Variants in TM2D1 observed in about 807,000 individuals in gnomAD.
The protein encoded by TM2D1 is TM2 domain-containing protein 1.
TM2D1 carries 15 observed loss-of-function variants against 28.4 expected under a neutral mutation model. That is an observed-to-expected ratio of 0.53 (90% CI 0.35 to 0.81). The LOEUF is 0.81. TM2D1 is among the 40% of genes least tolerant of loss of function. The pLI is 0.01. For missense variants in TM2D1, 236 were observed against 254.9 expected (o/e 0.93, Z 0.50); for synonymous variants, 93 against 96.2 (o/e 0.97, Z 0.20).
At chr1:61,688,517 G>A (rs1644300062) in intron 5 of TM2D1, among the ~76,000 whole-genome samples, 1 of 152,206 alleles carries the variant, frequency 6.6e-6, no homozygotes, top group African/African-American at 2.4e-5. Flanking sequence ...GAGGTCAAGA[G>A]ATCGAGACCA....
chr1:61,709,395 C>T lies in TM2D1; in HGVS notation c.281G>A (p.Ser94Asn). ...PAPNITCKDS[S>N]GNETHFTGNE... is the part of the protein sequence containing the mutation. ...CCCAGTAAAATGTGTTTCATTGCCACTGGAATCCTTACAAGTTATGTTGGG... is the reference window on the plus strand; with the variant it reads ...CCCAGTAAAATGTGTTTCATTGCCATTGGAATCCTTACAAGTTATGTTGGG... Residue 94 changes from serine to asparagine, a missense_variant, in exon 3 of 7, where the codon AGT becomes AAT. Transcript: ENST00000606498. The T allele has an allele frequency of 6.2e-7, 1 of 1,603,454 alleles. No individual in the cohort carries two copies. Among genetic ancestry groups the T allele is most frequent in the Admixed American group, 1.7e-5 (1 of 59,606 alleles).
At chr1:61,702,189 C>CA (rs1557532048) in intron 3 of TM2D1, among the ~76,000 whole-genome samples, 1 of 151,024 alleles carries the variant, frequency 6.6e-6, no homozygotes, top group East Asian at 2.0e-4. Context: ...GACTCTGTCT[C>CA]AAAAAAATAA....
intron 6 of TM2D1, among the ~76,000 whole-genome samples, chr1:61,681,559 G>C (rs1644243659): frequency 6.6e-6 from 1 of 152,126 alleles, no homozygotes; most frequent in Admixed American, 6.5e-5. Flanking sequence ...TTTCAAATCT[G>C]AATCTGGAAT....
At chr1:61,695,378 C>T (rs181761863) in intron 4 of TM2D1, among the ~76,000 whole-genome samples, 10 of 152,138 alleles carry the variant, frequency 6.6e-5, no homozygotes, top group Non-Finnish European at 7.4e-5. Flanking sequence ...TTGGTCCCAA[C>T]CCAAGAGCTA....
In TM2D1 at chr1:61,708,859, A is replaced by T. The variant is rs191228188; in HGVS notation, c.347+470T>A. On this transcript the variant is annotated intron_variant, in intron 3 of 6. Coordinates refer to ENST00000606498, the MANE Select transcript of TM2D1 (RefSeq NM_032027.3). ...ACTTGATTGGTGAATTGCATTTATAAAAAAAAAAAAAAATACACACTTGGC... is the reference window on the plus strand; with the variant it reads ...ACTTGATTGGTGAATTGCATTTATATAAAAAAAAAAAAATACACACTTGGC... 3.4e-3 allele frequency among the ~76,000 whole-genome samples: 489 copies of T among 144,644 alleles called. 2 individuals are homozygous for T. Among genetic ancestry groups the T allele is most frequent in the African/African-American group, 0.011 (463 of 40,320 alleles). The allele number at this position is 144,644 out of a possible 152,430, so 94.9% of individuals were successfully genotyped here. A position where few individuals can be genotyped will look rare whatever the true frequency, so the allele number is the denominator to read the frequency against.
Position 61,720,662 on chromosome 1 carries a change from CTCAA to C in TM2D1, c.238+3047_238+3050del, listed in dbSNP as rs922689221. Among the ~76,000 whole-genome samples, 8 of 152,096 alleles carry C rather than the reference CTCAA, an allele frequency of 5.3e-5. 1 individual carries two copies. Among genetic ancestry groups the C allele is most frequent in the Admixed American group, 4.6e-4 (7 of 15,248 alleles). ...ATAAATATAAATAAATGAACAAATT[CTCAA>C]TCAATAACAATATTTTGTAATATAA... is the stretch of plus-strand genomic sequence containing the variant. On this transcript the variant is annotated intron_variant, in intron 2 of 6. Coordinates refer to ENST00000606498, the MANE Select transcript of TM2D1 (RefSeq NM_032027.3).
At chr1:61,681,387 T>A (rs1333289143) in intron 6 of TM2D1, 37 bp from the exon 7 acceptor site, 1 of 152,188 alleles carries the variant, frequency 6.6e-6, no homozygotes, top group Non-Finnish European at 1.5e-5. Context: ...AAACACAATA[T>A]TTTTTAAGAG....
intron 3 of TM2D1, among the ~76,000 whole-genome samples, chr1:61,708,100 C>T (rs1052020511): frequency 6.6e-6 from 1 of 152,066 alleles, no homozygotes; most frequent in Non-Finnish European, 1.5e-5. Flanking sequence ...AGGGTCTCTA[C>T]TCTGTTACTG....
chr1:61,716,460 C>CAT lies in TM2D1; in HGVS notation c.239-7025_239-7024dup, dbSNP rs967232826. Among the ~76,000 whole-genome samples, 20 of 139,458 alleles carry CAT rather than the reference C, an allele frequency of 1.4e-4. No individual in the cohort carries two copies. The South Asian group carries it at 1.8e-3, about 12-fold the overall frequency. 91.5% of individuals were successfully genotyped at this position (139,458 alleles called of 152,430 possible). Reference sequence around the variant, plus strand: ...GTATAATTATATATAATTTTATATACATATATAATTATATATAATTTTATA... The same window carrying CAT: ...GTATAATTATATATAATTTTATATACATATATATAATTATATATAATTTTATA... On this transcript the variant is annotated intron_variant, in intron 2 of 6. Coordinates refer to ENST00000606498, the MANE Select transcript of TM2D1 (RefSeq NM_032027.3).
chr1:61,707,425 G>A (rs932157757), intron 3 of TM2D1, among the ~76,000 whole-genome samples: 11 of 152,298 alleles, frequency 7.2e-5, no homozygotes, highest in Admixed American at 7.2e-4. Context: ...GTTCCAGCCT[G>A]AGTGGTTAGC....
chr1:61,691,932 A>AAAAAAAAAATATATATAT, intron 5 of TM2D1, among the ~76,000 whole-genome samples: 23 of 76,372 alleles, frequency 3.0e-4, no homozygotes, highest in Admixed American at 5.1e-4. Context: ...AAAAAAAAAA[A>AAAAAAAAAATATATATAT]ATATATATAT....
chr1:61,687,276 T>C (rs1188892399), intron 5 of TM2D1, among the ~76,000 whole-genome samples: 4 of 152,172 alleles, frequency 2.6e-5, no homozygotes, highest in African/African-American at 7.2e-5. Context: ...AAGCTATTAC[T>C]TAAGGGGTAC....
intron 2 of TM2D1, among the ~76,000 whole-genome samples, chr1:61,715,883 G>C (rs1328440029): frequency 2.0e-5 from 3 of 150,330 alleles, no homozygotes; most frequent in African/African-American, 7.3e-5. Context: ...CTCACTGCAA[G>C]CTCCACCTCC....
At chr1:61,711,367 G>A (rs188787345) in intron 2 of TM2D1, among the ~76,000 whole-genome samples, 1 of 151,438 alleles carries the variant, frequency 6.6e-6, no homozygotes. Context: ...ACAAAGAGAT[G>A]TGGACAGAAG....
intron 6 of TM2D1, among the ~76,000 whole-genome samples, chr1:61,682,660 G>A (rs1644253076): frequency 6.6e-6 from 1 of 152,054 alleles, no homozygotes; most frequent in African/African-American, 2.4e-5. Context: ...AGCACTCTGG[G>A]AGGCCGAAGC....
rs1433266648 is a variant in TM2D1 at position 61,700,995 on chromosome 1, T to C, written c.378A>G (p.Ala126=). 1 of 1,611,668 alleles carries C rather than the reference T, an allele frequency of 6.2e-7. No homozygotes were observed. The highest frequency in any genetic ancestry group is 1.7e-4 in the Middle Eastern group (1 of 6,058). The part of the protein sequence containing the change: ...VNGYSYKVAV[A]LSLFLGWLGA... ...CCAACCATCCAAGAAAAAGAGACAA[T>C]GCGACTGCCACTTTGTAGGAATAGC... Residue 126 remains alanine, a synonymous_variant, in exon 4 of 7, where the codon GCA becomes GCG. Coordinates refer to ENST00000606498, the MANE Select transcript of TM2D1 (RefSeq NM_032027.3).
chr1:61,691,932 A>AAAAATAT lies in TM2D1; in HGVS notation c.513+2764_513+2765insATATTTT. Among the ~76,000 whole-genome samples the AAAAATAT allele has an allele frequency of 1.4e-4, 11 of 76,402 alleles. 1 individual carries two copies. Among genetic ancestry groups the AAAAATAT allele is most frequent in the East Asian group, 9.5e-4 (2 of 2,106 alleles). 50.1% of individuals were successfully genotyped at this position (76,402 alleles called of 152,430 possible). A position where few individuals can be genotyped will look rare whatever the true frequency, so the allele number is the denominator to read the frequency against. ...TCTCAAAAAAAACTTAAAAAAAAAA[A>AAAAATAT]ATATATATATATATATATATATATA... is the stretch of plus-strand genomic sequence containing the variant. On this transcript the variant is annotated intron_variant, in intron 5 of 6. Transcript: ENST00000606498.
At chr1:61,683,721 T>C (rs1019360922) in intron 5 of TM2D1, 175 bp from the exon 6 acceptor site, 5 of 410,870 alleles carry the variant, frequency 1.2e-5, no homozygotes, top group African/African-American at 2.1e-5. Context: ...TACTGGGATA[T>C]ACTGGGATAG....
intron 2 of TM2D1, among the ~76,000 whole-genome samples, chr1:61,716,376 TATA>T (rs1363837652): frequency 2.1e-4 from 30 of 146,064 alleles, no homozygotes; most frequent in Non-Finnish European, 3.4e-4. Context: ...TATATAATTA[TATA>T]ATTTTATATA....
Sources: allele counts gnomAD v4.1 joint callset (sites outside exome capture counted in the v4.1 genomes callset), GRCh38; gene constraint gnomAD v4.1.1; transcripts MANE v1.5; gene names NCBI Gene and HGNC (gene_info 2026-07-23, HGNC 2026-07-21).